Variants in MAMLD1 observed in about 807,000 individuals in gnomAD.
MAMLD1 encodes mastermind-like domain-containing protein 1.
MAMLD1 carries 14 observed loss-of-function variants against 45.0 expected under a neutral mutation model. The ratio of observed to expected loss-of-function variants is 0.31; its 90% confidence interval spans 0.21 to 0.49. MAMLD1 has a LOEUF of 0.49. Ranked by LOEUF, MAMLD1 falls within the 20% of genes least tolerant of loss-of-function variation. MAMLD1 has a pLI of 0.99. For synonymous variants in MAMLD1, 254 were observed against 247.8 expected (o/e 1.02, Z -0.24); for missense variants, 543 against 603.6 (o/e 0.90, Z 1.05).
intron 1 of MAMLD1, among the ~76,000 whole-genome samples, chrX:150,377,074 C>T (rs1557401473): frequency 8.8e-6 from 1 of 113,206 alleles, no homozygotes; most frequent in Non-Finnish European, 1.9e-5. Context: ...CCACTCATTC[C>T]CGAACAGCCA....
At chrX:150,469,443 A>G (rs970640290) in intron 3 of MAMLD1, among the ~76,000 whole-genome samples, 2 of 112,130 alleles carry the variant, frequency 1.8e-5, no homozygotes, top group African/African-American at 6.5e-5. Flanking sequence ...ATGTAATTAG[A>G]CAGTTTAGAT....
chrX:150,432,243 C>T (rs968889027), intron 1 of MAMLD1, among the ~76,000 whole-genome samples: 1 of 111,534 alleles, frequency 9.0e-6, no homozygotes, highest in African/African-American at 3.3e-5. Context: ...AGTATCTATT[C>T]GTGTGCTCTG....
chrX:150,487,034 A>T (rs2037013088), intron 5 of MAMLD1, among the ~76,000 whole-genome samples: 1 of 111,361 alleles, frequency 9.0e-6, no homozygotes. Context: ...AGAGTTTCTG[A>T]CTCCACAGAT....
chrX:150,446,146 T>G (rs2035481076), intron 2 of MAMLD1, among the ~76,000 whole-genome samples: 1 of 111,588 alleles, frequency 9.0e-6, no homozygotes, highest in South Asian at 3.8e-4. Flanking sequence ...GGGATTCCAG[T>G]GGTAGTTCTA....
At chrX:150,468,272 T>C (rs1457558665) in intron 3 of MAMLD1, among the ~76,000 whole-genome samples, 2 of 112,077 alleles carry the variant, frequency 1.8e-5, no homozygotes, top group Non-Finnish European at 3.8e-5. Flanking sequence ...ATGACAGTCA[T>C]GCCCCTCATC....
At chrX:150,444,496 G>A (rs782093294) in intron 1 of MAMLD1, among the ~76,000 whole-genome samples, 1 of 111,613 alleles carries the variant, frequency 9.0e-6, no homozygotes, top group South Asian at 3.8e-4. Context: ...AGGTCCCAAG[G>A]TCCCTAACCA....
At chrX:150,505,493 G>C (rs1430709028) in intron 6 of MAMLD1, among the ~76,000 whole-genome samples, 1 of 112,257 alleles carries the variant, frequency 8.9e-6, no homozygotes, top group Non-Finnish European at 1.9e-5. Flanking sequence ...GTGACAGAGG[G>C]ACTGACTGGA....
chrX:150,461,344 C>T (rs2036031414), intron 2 of MAMLD1, among the ~76,000 whole-genome samples: 1 of 112,798 alleles, frequency 8.9e-6, no homozygotes, highest in Non-Finnish European at 1.9e-5. Flanking sequence ...AGCCCACTCG[C>T]TTGTGCGGTA....
At chrX:150,499,771 C>G (rs901912369) in intron 5 of MAMLD1, among the ~76,000 whole-genome samples, 1 of 111,693 alleles carries the variant, frequency 9.0e-6, no homozygotes, top group Non-Finnish European at 1.9e-5. Flanking sequence ...GTTCAGTGCC[C>G]AGCACACTAA....
chrX:150,407,214 C>T (rs1413944), intron 1 of MAMLD1, among the ~76,000 whole-genome samples: 38,779 of 110,716 alleles, frequency 0.35, 5,330 homozygotes, highest in African/African-American at 0.52. Context: ...AACAAATTTG[C>T]GATATATTAA....
intron 4 of MAMLD1, 82 bp downstream of exon 4, chrX:150,471,572 A>G (rs1449406589): frequency 2.7e-5 from 32 of 1,192,606 alleles, no homozygotes; most frequent in Non-Finnish European, 3.6e-5. Context: ...CTGGCTCTGG[A>G]GGGTAAATCC....
At chrX:150,412,501 G>A (rs1306486615) in intron 1 of MAMLD1, among the ~76,000 whole-genome samples, 1 of 110,531 alleles carries the variant, frequency 9.0e-6, no homozygotes, top group Non-Finnish European at 1.9e-5. Context: ...GGTGCTTCTT[G>A]CCAGTTCTTC....
chrX:150,460,666 C>T (rs1297132895), intron 2 of MAMLD1, among the ~76,000 whole-genome samples: 1 of 111,840 alleles, frequency 8.9e-6, no homozygotes, highest in African/African-American at 3.3e-5. Flanking sequence ...AATCAGAAGT[C>T]TTAGAGATTA....
At chrX:150,471,724 A>G (rs1283242020) in intron 4 of MAMLD1, among the ~76,000 whole-genome samples, 1 of 112,227 alleles carries the variant, frequency 8.9e-6, no homozygotes, top group Non-Finnish European at 1.9e-5. Flanking sequence ...CTTCCCTAGA[A>G]GGAGAGCTGC....
At chrX:150,416,513 G>A (rs998182664) in intron 1 of MAMLD1, among the ~76,000 whole-genome samples, 5 of 111,930 alleles carry the variant, frequency 4.5e-5, no homozygotes, top group African/African-American at 1.6e-4. Flanking sequence ...TATTTATCAT[G>A]CCATGCAACA....
chrX:150,409,731 C>G (rs2124533318), intron 1 of MAMLD1, among the ~76,000 whole-genome samples: 1 of 111,727 alleles, frequency 9.0e-6, no homozygotes, highest in South Asian at 3.8e-4. Context: ...TAGTCACTGG[C>G]TCGGCCGGCT....
At chrX:150,393,457 T>C (rs2033273222) in intron 1 of MAMLD1, among the ~76,000 whole-genome samples, 1 of 112,186 alleles carries the variant, frequency 8.9e-6, no homozygotes. Context: ...TTTGGATAAA[T>C]GTCAAGGAGC....
At chrX:150,449,083 C>T (rs1055566408) in intron 2 of MAMLD1, among the ~76,000 whole-genome samples, 3 of 111,460 alleles carry the variant, frequency 2.7e-5, no homozygotes, top group Admixed American at 1.9e-4. Flanking sequence ...AATGGGATGC[C>T]GTGCCCAGTA....
intron 1 of MAMLD1, among the ~76,000 whole-genome samples, chrX:150,373,652 G>A (rs1168727365): frequency 9.0e-6 from 1 of 111,481 alleles, no homozygotes; most frequent in Non-Finnish European, 1.9e-5. Flanking sequence ...CGAGCAAATC[G>A]AGTTTAGGTT....
Sources: gnomAD v4.1 joint callset for allele counts (sites outside exome capture counted in the v4.1 genomes callset) on GRCh38, gnomAD v4.1.1 for gene constraint, MANE v1.5 for transcripts, NCBI Gene and HGNC (gene_info 2026-07-23, HGNC 2026-07-21) for gene names.